Variants in OTUD7A observed in about 807,000 individuals in gnomAD.
OTUD7A encodes OTU deubiquitinase 7A.
OTUD7A carries 12 observed loss-of-function variants against 65.7 expected under a neutral mutation model. That is an observed-to-expected ratio of 0.18 (90% confidence interval 0.12 to 0.30). OTUD7A has a LOEUF of 0.30. OTUD7A is among the 10% of genes least tolerant of loss of function. The pLI is 1.00. For synonymous variants in OTUD7A, 641 were observed against 586.3 expected (o/e 1.09, Z -1.35); for missense variants, 1,148 against 1,304.8 (o/e 0.88, Z 1.85).
chr15:31,709,099 C>T (rs1394461287), intron 1 of OTUD7A, among the ~76,000 whole-genome samples: 1 of 151,386 alleles, frequency 6.6e-6, no homozygotes, highest in African/African-American at 2.5e-5. Flanking sequence ...AAAACACAGG[C>T]CACTCCCAGG....
chr15:31,667,507 T>G (rs922324028), intron 1 of OTUD7A, among the ~76,000 whole-genome samples: 1 of 152,202 alleles, frequency 6.6e-6, no homozygotes, highest in Non-Finnish European at 1.5e-5. Context: ...TTACTTTAAG[T>G]TTACGTGAGT....
rs139839134 is a variant in OTUD7A, at chr15:31,571,756, C to T, written c.152-1559G>A. Reference sequence around the variant, plus strand: ...TCAGAGTTAAAAGCCAGCTAGTAAGCAACGGAGCTGAGATTCAAATACACG... The same window carrying T: ...TCAGAGTTAAAAGCCAGCTAGTAAGTAACGGAGCTGAGATTCAAATACACG... On this transcript the variant is annotated intron_variant, in intron 3 of 12. Transcript: ENST00000307050. 9.1e-3 allele frequency among the ~76,000 whole-genome samples: 1,383 copies of T among 152,256 alleles called. 29 individuals carry two copies. Among genetic ancestry groups the T allele is most frequent in the African/African-American group, 0.032 (1,330 of 41,534 alleles).
intron 5 of OTUD7A, among the ~76,000 whole-genome samples, chr15:31,553,898 T>C (rs986642833): frequency 2.6e-5 from 4 of 152,110 alleles, no homozygotes; most frequent in South Asian, 2.1e-4. Flanking sequence ...CTGTCAGATG[T>C]GAATCAAGAC....
chr15:31,641,945 A>G (rs150379168), intron 3 of OTUD7A, among the ~76,000 whole-genome samples: 129 of 152,314 alleles, frequency 8.5e-4, no homozygotes, highest in African/African-American at 3.0e-3. Flanking sequence ...ATGTCCAGGA[A>G]AATGTTGGAT....
intron 8 of OTUD7A, among the ~76,000 whole-genome samples, 161 bp from the exon 9 acceptor site, chr15:31,503,979 G>A (rs1016658959): frequency 2.0e-5 from 3 of 152,146 alleles, no homozygotes; most frequent in Admixed American, 6.5e-5. Context: ...CATGCCATCC[G>A]CCGATGGCAA....
intron 1 of OTUD7A, among the ~76,000 whole-genome samples, chr15:31,810,794 T>C (rs952045876): frequency 6.6e-6 from 1 of 152,236 alleles, no homozygotes; most frequent in Admixed American, 6.5e-5. Flanking sequence ...CTACAAGGAC[T>C]AGGCTGGCCC....
Position 31,487,359 on chromosome 15 carries a change from A to C in OTUD7A, c.1287-81T>G, listed in dbSNP as rs897387090. On this transcript the variant is annotated intron_variant, in intron 11 of 12. Coordinates refer to ENST00000307050, the MANE Select transcript of OTUD7A (RefSeq NM_001382637.1). The surrounding 1 kb of genome is among the most constrained non-coding windows in gnomAD (Gnocchi z 6.0). ...AGTCCACTTGCATGCCAGCTGTCCC[A>C]GGAGGAGCAGGGGTGGTACATTCCC... 72 of 1,581,896 alleles carry C rather than the reference A, an allele frequency of 4.6e-5. No homozygotes were observed. The East Asian group carries it at 1.6e-3, about 35-fold the overall frequency.
intron 1 of OTUD7A, among the ~76,000 whole-genome samples, chr15:31,843,631 G>A (rs1897236652): frequency 6.6e-6 from 1 of 152,198 alleles, no homozygotes; most frequent in South Asian, 2.1e-4. Flanking sequence ...CTGCTGAGCT[G>A]GGTGACAATA....
rs1368557689 is a variant in OTUD7A, at chr15:31,627,919, C to A, written c.151+27177G>T. ...GAGAAGTGTCTGTTCATATCCTTCA[C>A]CCACTTGTTGATGGGGTTGTTTGTT... On this transcript the variant is annotated intron_variant, in intron 3 of 12. Coordinates refer to ENST00000307050, the MANE Select transcript of OTUD7A (RefSeq NM_001382637.1). 2.0e-5 allele frequency among the ~76,000 whole-genome samples: 3 copies of A among 152,250 alleles called. No individual in the cohort carries two copies. The East Asian group carries it at 5.8e-4, about 29-fold the overall frequency.
rs1416029921 is a variant in OTUD7A at position 31,592,904 on chromosome 15, A to AAAT, written c.152-22708_152-22707insATT. ...CAAAAAAAAAAAAAAAAAAAAAAAA[A>AAAT]ATATATATATATATATATATATATA... On this transcript the variant is annotated intron_variant, in intron 3 of 12. Coordinates refer to ENST00000307050, the MANE Select transcript of OTUD7A (RefSeq NM_001382637.1). 4.7e-4 allele frequency among the ~76,000 whole-genome samples: 28 copies of AAAT among 59,398 alleles called. 2 individuals carry two copies. The highest frequency in any genetic ancestry group is 6.3e-4 in the Admixed American group (2 of 3,180). 39.0% of individuals were successfully genotyped at this position (59,398 alleles called of 152,430 possible).
intron 1 of OTUD7A, chr15:31,768,099 G>A: frequency 6.3e-7 from 1 of 1,599,006 alleles, no homozygotes; most frequent in Non-Finnish European, 8.6e-7. Context: ...TTAAAGTGTT[G>A]TCTGTGTTTT....
chr15:31,670,202 T>C (rs1239224882), intron 1 of OTUD7A, among the ~76,000 whole-genome samples: 2 of 151,378 alleles, frequency 1.3e-5, no homozygotes, highest in African/African-American at 4.9e-5. Context: ...TTTGGGTTGA[T>C]TCCATGTCTT....
intron 3 of OTUD7A, among the ~76,000 whole-genome samples, chr15:31,587,848 GC>G (rs1889595305): frequency 1.3e-5 from 2 of 151,792 alleles, no homozygotes; most frequent in African/African-American, 4.8e-5. Context: ...CTGCCATAGG[GC>G]CCTAACGCTC....
At chr15:31,536,270 C>A (rs1311671972) in intron 5 of OTUD7A, among the ~76,000 whole-genome samples, 1 of 152,214 alleles carries the variant, frequency 6.6e-6, no homozygotes, top group Non-Finnish European at 1.5e-5. Flanking sequence ...ACATGTTAGG[C>A]AGGTGACACA....
chr15:31,822,556 G>A (rs1206533036), intron 1 of OTUD7A, among the ~76,000 whole-genome samples: 2 of 152,160 alleles, frequency 1.3e-5, no homozygotes, highest in African/African-American at 4.8e-5. Flanking sequence ...CCCCCAGCCT[G>A]GCCACCCTGC....
At chr15:31,537,309 C>T (rs912207906) in intron 5 of OTUD7A, among the ~76,000 whole-genome samples, 5 of 152,168 alleles carry the variant, frequency 3.3e-5, no homozygotes, top group African/African-American at 1.2e-4. Context: ...TAATAAGTGG[C>T]ATTACTGATA....
chr15:31,745,173 C>A (rs994563551), intron 1 of OTUD7A, among the ~76,000 whole-genome samples: 1 of 151,918 alleles, frequency 6.6e-6, no homozygotes, highest in African/African-American at 2.4e-5. Flanking sequence ...TCCCAGTAGG[C>A]CTTTTTGTAG....
intron 1 of OTUD7A, among the ~76,000 whole-genome samples, chr15:31,756,268 T>C (rs1894808757): frequency 6.6e-6 from 1 of 152,256 alleles, no homozygotes. Flanking sequence ...TTTACATTAT[T>C]ACCATTCATC....
rs192089039 is a variant in OTUD7A, at chr15:31,511,045, T to C, written c.894-7227A>G. 8.9e-5 allele frequency among the ~76,000 whole-genome samples: 9 copies of C among 101,672 alleles called. 4 individuals are homozygous for C. In the East Asian group the frequency reaches 2.4e-3, roughly 27 times the overall value. The allele number at this position is 101,672 out of a possible 152,430, so 66.7% of individuals were successfully genotyped here. A position where few individuals can be genotyped will look rare whatever the true frequency, so the allele number is the denominator to read the frequency against. ...TGTATATCTATATGTAACATACATGTATATCTATATGTAACATACATATAT... is the reference window on the plus strand; with the variant it reads ...TGTATATCTATATGTAACATACATGCATATCTATATGTAACATACATATAT... On this transcript the variant is annotated intron_variant, in intron 8 of 12. Transcript: ENST00000307050.
Sources: allele counts gnomAD v4.1 joint callset (sites outside exome capture counted in the v4.1 genomes callset), GRCh38; gene constraint gnomAD v4.1.1; non-coding constraint Gnocchi (gnomAD v3.1); transcripts MANE v1.5; gene names NCBI Gene and HGNC (gene_info 2026-07-23, HGNC 2026-07-21).